The following JKAMP variants were observed in gnomAD, a reference collection of about 807,000 sequenced individuals.
The protein encoded by JKAMP is JNK1/MAPK8-associated membrane protein.
A neutral mutation model predicts 40.2 loss-of-function variants in JKAMP; 20 were observed. The observed-to-expected ratio is 0.50, with a 90% CI of 0.35 to 0.72. The LOEUF (loss-of-function observed/expected upper bound fraction) is 0.72. Among genes scored for constraint, JKAMP ranks in the 30% least tolerant of loss-of-function variants. JKAMP has a pLI of 0.01. For synonymous variants in JKAMP, 138 were observed against 131.6 expected (o/e 1.05, Z -0.33); for missense variants, 276 against 373.0 (o/e 0.74, Z 2.14).
chr14:59,501,607 T>C (rs974223180), intron 6 of JKAMP, among the ~76,000 whole-genome samples: 3 of 152,202 alleles, frequency 2.0e-5, no homozygotes, highest in Non-Finnish European at 4.4e-5. Context: ...AAAAATGTTT[T>C]ATATTTAGAA....
At chr14:59,496,895 T>A (rs963471428) in intron 4 of JKAMP, among the ~76,000 whole-genome samples, 3 of 152,228 alleles carry the variant, frequency 2.0e-5, no homozygotes, top group African/African-American at 7.2e-5. Context: ...AGCATTGGGT[T>A]TAGGCATATT....
chr14:59,487,556 C>A, intron 2 of JKAMP, 118 bp from the exon 3 acceptor site: 1 of 703,410 alleles, frequency 1.4e-6, no homozygotes, highest in Non-Finnish European at 2.4e-6. Context: ...TTTCTAAAAG[C>A]TGCACATGTA....
Position 59,484,597 on chromosome 14 carries a change from A to C in JKAMP, c.4+4A>C, listed in dbSNP as rs1196944412. The C allele has an allele frequency of 6.3e-7, 1 of 1,579,002 alleles. No homozygotes were observed. On this transcript the variant is annotated splice_donor_region_variant and intron_variant, in intron 1 of 6. Coordinates refer to ENST00000616435, the MANE Select transcript of JKAMP (RefSeq NM_016475.5). ...AAAACCTTCAGGCGGCCCATGGGTG[A>C]GTGGTCGCCAAGATCCCGGGAAGCG...
chr14:59,490,592 T>G (rs1477339862), intron 3 of JKAMP, among the ~76,000 whole-genome samples: 3 of 152,188 alleles, frequency 2.0e-5, no homozygotes, highest in Non-Finnish European at 4.4e-5. Flanking sequence ...ATGGAAAGGA[T>G]GGTCAGATAG....
At chr14:59,487,634 A>T in intron 2 of JKAMP, 40 bp from the exon 3 acceptor site, 1 of 1,518,800 alleles carries the variant, frequency 6.6e-7, no homozygotes, top group Non-Finnish European at 9.1e-7. Flanking sequence ...ATGTTGTAAA[A>T]TAATATCTGT....
intron 6 of JKAMP, among the ~76,000 whole-genome samples, chr14:59,503,575 G>A (rs1049868386): frequency 6.6e-6 from 1 of 152,122 alleles, no homozygotes; most frequent in Non-Finnish European, 1.5e-5. Flanking sequence ...GTGTTTCCAG[G>A]AGTGAATGAT....
In JKAMP at chr14:59,503,887, CTT is replaced by C; in HGVS notation, c.752_753del (p.Leu251HisfsTer22). The C allele has an allele frequency of 6.2e-7, 1 of 1,612,510 alleles. No individual in the cohort carries two copies. Among genetic ancestry groups the C allele is most frequent in the Non-Finnish European group, 8.5e-7 (1 of 1,178,622 alleles). On this transcript the variant is annotated frameshift_variant, in exon 7 of 7. Transcript: ENST00000616435. LOFTEE classifies it high-confidence loss of function. Reference protein sequence around the residue: ...CYDLLVRKKRLIVLFSHWLLH... With the variant: ...CYDLLVRKKRXIVLFSHWLLH... ...TGATCTTCTGGTCAGAAAGAAAAGA[CTT>C]ATTGTTCTCTTCAGCCACTGGTTAC...
At chr14:59,485,702 C>G (rs1439279372) in intron 1 of JKAMP, 2 of 152,768 alleles carry the variant, frequency 1.3e-5, no homozygotes, top group Non-Finnish European at 2.9e-5. Flanking sequence ...ACTGCAACCT[C>G]TGCCTCCTGG....
intron 6 of JKAMP, among the ~76,000 whole-genome samples, chr14:59,502,326 C>T (rs1180678890): frequency 1.3e-5 from 2 of 152,182 alleles, no homozygotes; most frequent in Non-Finnish European, 2.9e-5. Context: ...CCATCCTATA[C>T]TTGCTAATCT....
intron 3 of JKAMP, among the ~76,000 whole-genome samples, chr14:59,491,017 A>G (rs992885506): frequency 6.6e-6 from 1 of 152,240 alleles, no homozygotes; most frequent in Non-Finnish European, 1.5e-5. Flanking sequence ...AGGGAGTTGT[A>G]CAACTGTGCT....
rs550501784 is a variant in JKAMP at position 59,494,263 on chromosome 14, A to T, written c.252-755A>T. 5.3e-5 allele frequency among the ~76,000 whole-genome samples: 8 copies of T among 150,984 alleles called. No homozygotes were observed. The East Asian group carries it at 7.7e-4, about 15-fold the overall frequency. The stretch of plus-strand genomic sequence containing the variant: ...TGTTTATAAAAAGGCTTCACAAAGA[A>T]AGTGAAAATTGAGCCCACAAACAGG... On this transcript the variant is annotated intron_variant, in intron 3 of 6. Coordinates refer to ENST00000616435, the MANE Select transcript of JKAMP (RefSeq NM_016475.5).
At position 59,502,773 on chromosome 14, in the gene JKAMP, T is replaced by TTTTTTTTTTTTTTTG. The variant is rs796697193; in HGVS notation, c.718-1081_718-1080insTTTTTTTTTTTTTTG. Among the ~76,000 whole-genome samples, 159 of 102,832 alleles carry TTTTTTTTTTTTTTTG rather than the reference T, an allele frequency of 1.5e-3. 7 individuals are homozygous for TTTTTTTTTTTTTTTG. The highest frequency in any genetic ancestry group is 3.4e-3 in the East Asian group (12 of 3,542). The allele number at this position is 102,832 out of a possible 152,430, so 67.5% of individuals were successfully genotyped here. A position where few individuals can be genotyped will look rare whatever the true frequency, so the allele number is the denominator to read the frequency against. On this transcript the variant is annotated intron_variant, in intron 6 of 6. Coordinates refer to ENST00000616435, the MANE Select transcript of JKAMP (RefSeq NM_016475.5). Reference sequence around the variant, plus strand: ...AGATTTTTTTTTTTTTTTTTTTTTTTCGGAGTCTCACTCTGTCGCTTAGGC... The same window carrying TTTTTTTTTTTTTTTG: ...AGATTTTTTTTTTTTTTTTTTTTTTTTTTTTTTTTTTTTTGCGGAGTCTCACTCTGTCGCTTAGGC...
intron 3 of JKAMP, among the ~76,000 whole-genome samples, chr14:59,491,001 A>G (rs1026274030): frequency 1.3e-5 from 2 of 152,210 alleles, no homozygotes; most frequent in African/African-American, 4.8e-5. Context: ...AGGTGGGTTT[A>G]AAAAGAGGGA....
rs968243740 is a variant in JKAMP at position 59,504,505 on chromosome 14, T to A, written c.*433T>A. ...CTATAATGAATTGTAAAAACAAACA[T>A]ACTTGTGGGGTCTGATAGCAAACAT... On this transcript the variant is annotated 3_prime_UTR_variant, in exon 7 of 7. Coordinates refer to ENST00000616435, the MANE Select transcript of JKAMP (RefSeq NM_016475.5). The A allele has an allele frequency of 6.5e-6, 1 of 154,938 alleles. No individual in the cohort carries two copies. Among genetic ancestry groups the A allele is most frequent in the African/African-American group, 2.6e-5 (1 of 39,052 alleles). 9.6% of individuals were successfully genotyped at this position (154,938 alleles called of 1,614,324 possible).
intron 1 of JKAMP, 34 bp downstream of exon 1, chr14:59,484,627 T>A (rs767226593): frequency 2.9e-5 from 45 of 1,574,986 alleles, no homozygotes; most frequent in Non-Finnish European, 3.5e-5. Context: ...GAAGCGTTTC[T>A]GGTAGTCCCG....
At chr14:59,497,008 T>TC (rs1340841190) in intron 4 of JKAMP, among the ~76,000 whole-genome samples, 42 of 151,860 alleles carry the variant, frequency 2.8e-4, no homozygotes, top group Non-Finnish European at 5.4e-4. Context: ...TTTTTTTTTT[T>TC]TTTTTTGCAA....
intron 6 of JKAMP, among the ~76,000 whole-genome samples, chr14:59,502,938 C>T (rs749891442): frequency 6.6e-5 from 10 of 150,976 alleles, no homozygotes; most frequent in Admixed American, 1.3e-4. Context: ...TTTTAGTAGA[C>T]GGGGTTTCAC....
chr14:59,498,844 T>A lies in JKAMP; in HGVS notation c.576T>A (p.Ile192=), dbSNP rs1449244750. 6.2e-7 allele frequency: 1 copy of A among 1,612,846 alleles called. No homozygotes were observed. The highest frequency in any genetic ancestry group is 2.2e-5 in the East Asian group (1 of 44,858). Residue 192 remains isoleucine, a synonymous_variant, in exon 5 of 7, where the codon ATT becomes ATA. Coordinates refer to ENST00000616435, the MANE Select transcript of JKAMP (RefSeq NM_016475.5). ...GGAAATCTGATCGATTTAAAAGTAT[T>A]TATGCTGCACTTTACTTCTTCCCAA... ...GLGKSDRFKS[I]YAALYFFPIL... is the part of the protein sequence containing the mutation.
chr14:59,504,082 T>A lies in JKAMP; in HGVS notation c.*10T>A. On this transcript the variant is annotated 3_prime_UTR_variant, in exon 7 of 7. Coordinates refer to ENST00000616435, the MANE Select transcript of JKAMP (RefSeq NM_016475.5). ...AGCCAATGGACACTGAGTGTAGACA[T>A]GTGAAATGCCAAAAACCTGAGAAGT... 6.4e-7 allele frequency: 1 copy of A among 1,566,516 alleles called. No homozygotes were observed. Among genetic ancestry groups the A allele is most frequent in the East Asian group, 2.2e-5 (1 of 44,606 alleles).
Sources: allele counts gnomAD v4.1 joint callset (sites outside exome capture counted in the v4.1 genomes callset), GRCh38; gene constraint gnomAD v4.1.1; transcripts MANE v1.5; gene names NCBI Gene and HGNC (gene_info 2026-07-23, HGNC 2026-07-21).